Variants in GPAT4 observed in about 807,000 individuals in gnomAD.
GPAT4 encodes the protein glycerol-3-phosphate acyltransferase 4, also known as 1-AGP acyltransferase 6.
GPAT4 carries 17 observed loss-of-function variants against 58.0 expected under a neutral mutation model. That is an observed-to-expected ratio of 0.29 (90% CI 0.20 to 0.44). The LOEUF (loss-of-function observed/expected upper bound fraction) is 0.44, where lower values mean the gene tolerates loss of function less well. Among genes scored for constraint, GPAT4 ranks in the 20% least tolerant of loss-of-function variants. The pLI is 1.00. For synonymous variants in GPAT4, 204 were observed against 210.1 expected, an observed-to-expected ratio of 0.97 and a Z score of 0.25; for missense variants, 377 against 574.5, an observed-to-expected ratio of 0.66 and a Z score of 3.51.
At chr8:41,610,097 G>A in intron 4 of GPAT4, 142 bp downstream of exon 4, 1 of 1,461,114 alleles carries the variant, frequency 6.8e-7, no homozygotes, top group Non-Finnish European at 9.0e-7. Flanking sequence ...ACTCTTTGGA[G>A]GGATACACTG....
At chr8:41,616,512 C>G (rs1031552585) in intron 10 of GPAT4, among the ~76,000 whole-genome samples, 1 of 152,154 alleles carries the variant, frequency 6.6e-6, no homozygotes, top group Non-Finnish European at 1.5e-5. Context: ...TCAGACTGAT[C>G]TAGAACTCCT....
At chr8:41,583,649 G>T (rs1410326711) in intron 1 of GPAT4, among the ~76,000 whole-genome samples, 3 of 151,976 alleles carry the variant, frequency 2.0e-5, no homozygotes, top group Admixed American at 6.6e-5. Flanking sequence ...CATTTTAAGT[G>T]CTCCAAGGTC....
chr8:41,614,080 G>A (rs1019508194), intron 8 of GPAT4, among the ~76,000 whole-genome samples: 2 of 152,184 alleles, frequency 1.3e-5, no homozygotes, highest in African/African-American at 4.8e-5. Flanking sequence ...TTTATTGAGG[G>A]GGCCATGCCC....
At chr8:41,582,666 A>G (rs1585645502) in intron 1 of GPAT4, among the ~76,000 whole-genome samples, 1 of 116,720 alleles carries the variant, frequency 8.6e-6, no homozygotes, top group East Asian at 2.4e-4. Flanking sequence ...GGGGAGGGAG[A>G]GAGAGAGAGT....
chr8:41,609,042 C>G (rs949879419), intron 2 of GPAT4, among the ~76,000 whole-genome samples: 5 of 152,174 alleles, frequency 3.3e-5, no homozygotes, highest in Admixed American at 6.5e-5. Context: ...TACAGGATAC[C>G]TGGCTTCGCT....
chr8:41,613,037 G>T, intron 8 of GPAT4, 77 bp downstream of exon 8: 1 of 1,128,744 alleles, frequency 8.9e-7, no homozygotes, highest in Non-Finnish European at 1.3e-6. Flanking sequence ...TCCCTCCACA[G>T]TGCAGTTACG....
chr8:41,579,617 CA>C, intron 1 of GPAT4, among the ~76,000 whole-genome samples: 1 of 152,272 alleles, frequency 6.6e-6, no homozygotes, highest in East Asian at 1.9e-4. Flanking sequence ...GCGGGCGGAT[CA>C]CCTAAAGTCA....
chr8:41,614,296 A>G, intron 8 of GPAT4, 90 bp from the exon 9 acceptor site: 1 of 1,087,266 alleles, frequency 9.2e-7, no homozygotes, highest in Non-Finnish European at 1.3e-6. Context: ...AATCGAAACT[A>G]GTGTCACAAA....
intron 2 of GPAT4, among the ~76,000 whole-genome samples, chr8:41,600,634 T>C (rs746312818): frequency 2.6e-5 from 4 of 151,980 alleles, no homozygotes; most frequent in Non-Finnish European, 4.4e-5. Context: ...ATTGACAACA[T>C]AAAGTTAATA....
At chr8:41,580,544 C>G (rs1173473782) in intron 1 of GPAT4, among the ~76,000 whole-genome samples, 1 of 152,256 alleles carries the variant, frequency 6.6e-6, no homozygotes, top group African/African-American at 2.4e-5. Flanking sequence ...CTCAATTTTC[C>G]TACCCTTAAA....
At position 41,594,639 on chromosome 8, in the gene GPAT4, G is replaced by A. The variant is rs375507827; in HGVS notation, c.-848-3653G>A. On this transcript the variant is annotated intron_variant, in intron 1 of 12. Transcript: ENST00000396987. ...CGGCTCACTGCAAGCTCCGCCTCCCGGGTTCACGCCATTCTCCTGCCTCAG... is the reference window on the plus strand; with the variant it reads ...CGGCTCACTGCAAGCTCCGCCTCCCAGGTTCACGCCATTCTCCTGCCTCAG... Among the ~76,000 whole-genome samples, 165 of 147,140 alleles carry A rather than the reference G, an allele frequency of 1.1e-3. 1 individual carries two copies. In the East Asian group the frequency reaches 0.029, roughly 26 times the overall value.
intron 2 of GPAT4, among the ~76,000 whole-genome samples, chr8:41,606,744 G>A (rs1218407304): frequency 1.3e-5 from 2 of 152,134 alleles, no homozygotes; most frequent in African/African-American, 4.8e-5. Flanking sequence ...GTAACAAGAG[G>A]GAGAGAAGAG....
At chr8:41,607,014 G>C (rs1803293639) in intron 2 of GPAT4, among the ~76,000 whole-genome samples, 1 of 152,138 alleles carries the variant, frequency 6.6e-6, no homozygotes, top group Non-Finnish European at 1.5e-5. Context: ...CAGTCCTTCT[G>C]AACAGTCCTC....
At chr8:41,619,058 G>T (rs768233542) in intron 12 of GPAT4, 81 bp downstream of exon 12, 13 of 1,508,102 alleles carry the variant, frequency 8.6e-6, no homozygotes, top group East Asian at 2.3e-5. Context: ...GTCATTCCCC[G>T]TGGTGTGGAG....
chr8:41,605,504 C>T (rs1204603260), intron 2 of GPAT4, among the ~76,000 whole-genome samples: 3 of 152,184 alleles, frequency 2.0e-5, no homozygotes, highest in Admixed American at 6.5e-5. Flanking sequence ...AGGTGGGTTA[C>T]AATACTGAAC....
intron 2 of GPAT4, 69 bp from the exon 3 acceptor site, chr8:41,609,347 A>G (rs540710753): frequency 6.8e-6 from 10 of 1,462,914 alleles, no homozygotes; most frequent in Non-Finnish European, 8.6e-6. Context: ...CAGAATAGAG[A>G]TGGAGGTGTT....
rs1802414072 is a variant in GPAT4, at chr8:41,578,264, C to T, written c.-863C>T. ...CGGTCGCCGCGGGATTTGGAGCTGC[C>T]TAGCCTCGCGGTCGGTGAGTAGGAG... On this transcript the variant is annotated 5_prime_UTR_variant, in exon 1 of 13. Coordinates refer to ENST00000396987, the MANE Select transcript of GPAT4 (RefSeq NM_178819.4). 1 of 151,626 alleles carries T rather than the reference C, an allele frequency of 6.6e-6. No individual in the cohort carries two copies. The highest frequency in any genetic ancestry group is 2.4e-5 in the African/African-American group (1 of 41,364). 9.4% of individuals were successfully genotyped at this position (151,626 alleles called of 1,614,324 possible).
At chr8:41,595,664 C>T (rs557398569) in intron 1 of GPAT4, among the ~76,000 whole-genome samples, 1 of 152,098 alleles carries the variant, frequency 6.6e-6, no homozygotes, top group African/African-American at 2.4e-5. Context: ...GAATAGGGTA[C>T]ACTTTTTTTC....
At chr8:41,612,299 T>A in intron 7 of GPAT4, 26 bp downstream of exon 7, 1 of 1,611,960 alleles carries the variant, frequency 6.2e-7, no homozygotes, top group South Asian at 1.1e-5. Flanking sequence ...GGTGCGTTCT[T>A]GAGGCAAGAC....
Sources: allele counts gnomAD v4.1 joint callset (sites outside exome capture counted in the v4.1 genomes callset), GRCh38; gene constraint gnomAD v4.1.1; transcripts MANE v1.5; gene names NCBI Gene and HGNC (gene_info 2026-07-23, HGNC 2026-07-21).